CNBD1: variants seen among roughly 807,000 people sequenced by gnomAD.
CNBD1 encodes cyclic nucleotide-binding domain-containing protein 1.
Under a neutral mutation model 54.4 loss-of-function variants are expected in CNBD1, and 71 were observed. The ratio of observed to expected loss-of-function variants is 1.30; its 90% confidence interval spans 1.08 to 1.59. The LOEUF (loss-of-function observed/expected upper bound fraction) is 1.59. Ranked by LOEUF, CNBD1 falls within the 40% of genes most tolerant of loss-of-function variation. CNBD1 has a pLI of 0.00. For synonymous variants in CNBD1, 182 were observed against 170.7 expected, an observed-to-expected ratio of 1.07 and a Z score of -0.51; for missense variants, 659 against 518.0, an observed-to-expected ratio of 1.27 and a Z score of -2.64.
chr8:87,223,863 G>A (rs1157849364), intron 5 of CNBD1, among the ~76,000 whole-genome samples: 18 of 152,100 alleles, frequency 1.2e-4, no homozygotes, highest in African/African-American at 1.2e-4. Flanking sequence ...CACCAACAGT[G>A]TAAAAGTGTT....
intron 4 of CNBD1, among the ~76,000 whole-genome samples, chr8:86,954,529 T>C (rs1276274634): frequency 6.6e-6 from 1 of 152,100 alleles, no homozygotes; most frequent in Non-Finnish European, 1.5e-5. Flanking sequence ...TTATCTTATC[T>C]AATTTAAAAC....
intron 8 of CNBD1, among the ~76,000 whole-genome samples, chr8:87,323,149 A>T: frequency 8.2e-6 from 1 of 122,040 alleles, no homozygotes; most frequent in South Asian, 2.6e-4. Context: ...GCTCTGTTCT[A>T]TTCCATTGAT....
At chr8:87,306,521 G>C (rs1466244486) in intron 8 of CNBD1, among the ~76,000 whole-genome samples, 1 of 152,150 alleles carries the variant, frequency 6.6e-6, no homozygotes, top group Non-Finnish European at 1.5e-5. Context: ...TCAATGAGTG[G>C]ATAAAGTAGC....
At chr8:87,279,107 G>A (rs556354096) in intron 6 of CNBD1, among the ~76,000 whole-genome samples, 1 of 151,082 alleles carries the variant, frequency 6.6e-6, no homozygotes, top group East Asian at 1.9e-4. Flanking sequence ...AGATACATAT[G>A]TAAAGAAAAA....
intron 4 of CNBD1, among the ~76,000 whole-genome samples, chr8:87,099,172 ATGT>A (rs534189915): frequency 1.7e-4 from 26 of 152,158 alleles, no homozygotes; most frequent in Admixed American, 6.5e-4. Flanking sequence ...ATTGTAGAAA[ATGT>A]TGTTGTTGTT....
chr8:86,977,669 C>A (rs951382394), intron 4 of CNBD1, among the ~76,000 whole-genome samples: 2 of 151,962 alleles, frequency 1.3e-5, no homozygotes, highest in Non-Finnish European at 2.9e-5. Flanking sequence ...AAAAATAAAA[C>A]CTTTGAAGAC....
chr8:87,306,817 G>T (rs926699250), intron 8 of CNBD1, among the ~76,000 whole-genome samples: 17 of 152,104 alleles, frequency 1.1e-4, no homozygotes, highest in Admixed American at 3.9e-4. Context: ...AGTGTATACT[G>T]CCTGGGTCAT....
At chr8:87,136,100 G>C (rs1035447697) in intron 4 of CNBD1, among the ~76,000 whole-genome samples, 1 of 151,928 alleles carries the variant, frequency 6.6e-6, no homozygotes, top group African/African-American at 2.4e-5. Flanking sequence ...GGAGAAGATA[G>C]AATAGTTGAG....
intron 4 of CNBD1, among the ~76,000 whole-genome samples, chr8:87,170,454 T>C (rs1047714251): frequency 2.6e-5 from 4 of 152,298 alleles, no homozygotes; most frequent in African/African-American, 9.6e-5. Context: ...TCCACTACTA[T>C]GTTGAAAAAC....
intron 2 of CNBD1, among the ~76,000 whole-genome samples, chr8:87,425,665 A>T (rs1808033167): frequency 6.6e-6 from 1 of 152,120 alleles, no homozygotes; most frequent in Non-Finnish European, 1.5e-5. Flanking sequence ...TTGAGGAGGC[A>T]GTCTGCCCGT....
At chr8:87,284,866 A>G in intron 7 of CNBD1, 51 bp downstream of exon 7, 4 of 1,329,602 alleles carry the variant, frequency 3.0e-6, no homozygotes, top group Non-Finnish European at 4.1e-6. Context: ...CATAAACTCA[A>G]GCTACATTTT....
intron 3 of CNBD1, among the ~76,000 whole-genome samples, chr8:86,930,268 C>A (rs910215964): frequency 5.9e-5 from 9 of 152,146 alleles, no homozygotes; most frequent in Non-Finnish European, 1.0e-4. Context: ...AAGATTAGGC[C>A]TAGATATTTG....
intron 10 of CNBD1, among the ~76,000 whole-genome samples, chr8:87,377,845 C>T (rs1474941871): frequency 3.3e-5 from 5 of 150,836 alleles, no homozygotes; most frequent in African/African-American, 9.9e-5. Flanking sequence ...GATTGCCATT[C>T]TAACTGGTGT....
chr8:87,053,446 AC>A (rs1351645858), intron 4 of CNBD1, among the ~76,000 whole-genome samples: 1 of 152,114 alleles, frequency 6.6e-6, no homozygotes, highest in African/African-American at 2.4e-5. Context: ...ATGGTTTTTT[AC>A]CCATCTAGAA....
chr8:87,041,275 G>A (rs985699524), intron 4 of CNBD1, among the ~76,000 whole-genome samples: 4 of 152,084 alleles, frequency 2.6e-5, no homozygotes, highest in Admixed American at 2.0e-4. Flanking sequence ...CTAGGAATGT[G>A]ACATTTGAAA....
chr8:87,187,336 C>T (rs1037579302), intron 4 of CNBD1, among the ~76,000 whole-genome samples: 2 of 151,874 alleles, frequency 1.3e-5, no homozygotes, highest in Non-Finnish European at 2.9e-5. Flanking sequence ...CAGATATTTT[C>T]CCATAAATGA....
At chr8:86,943,254 G>T (rs1563831340) in intron 4 of CNBD1, among the ~76,000 whole-genome samples, 2 of 149,914 alleles carry the variant, frequency 1.3e-5, no homozygotes. Flanking sequence ...GGTGGCATGT[G>T]CCTATAGTCC....
intron 4 of CNBD1, among the ~76,000 whole-genome samples, chr8:87,159,933 T>A (rs1014119534): frequency 3.3e-5 from 5 of 152,010 alleles, no homozygotes; most frequent in African/African-American, 1.2e-4. Flanking sequence ...ATAGCTTTTT[T>A]TTTTTCCAGA....
intron 6 of CNBD1, among the ~76,000 whole-genome samples, chr8:87,249,915 C>T (rs1374389454): frequency 6.6e-6 from 1 of 152,174 alleles, no homozygotes; most frequent in Admixed American, 6.5e-5. Flanking sequence ...TTGGCCTGAA[C>T]AAAGATTTCT....
Sources: gnomAD v4.1 joint callset for allele counts (sites outside exome capture counted in the v4.1 genomes callset) on GRCh38, gnomAD v4.1.1 for gene constraint, MANE v1.5 for transcripts, NCBI Gene and HGNC (gene_info 2026-07-23, HGNC 2026-07-21) for gene names.